SHB: variants seen among roughly 807,000 people sequenced by gnomAD.
The protein encoded by SHB is SH2 domain containing adaptor protein B, also known as SH2 domain-containing adapter protein B.
Under a neutral mutation model 52.3 loss-of-function variants are expected in SHB, and 20 were observed. That is an observed-to-expected ratio of 0.38 (90% CI 0.27 to 0.56). The LOEUF is 0.56. SHB is among the 20% of genes least tolerant of loss of function. The probability of loss-of-function intolerance (pLI) is 0.71; values close to 1 mark genes in which losing one functional copy is unlikely to be tolerated. For missense variants in SHB, 825 were observed against 723.3 expected (o/e 1.14, Z -1.61); for synonymous variants, 397 against 316.5 (o/e 1.25, Z -2.70).
At chr9:37,996,563 T>C (rs972864713) in intron 2 of SHB, among the ~76,000 whole-genome samples, 6 of 152,216 alleles carry the variant, frequency 3.9e-5, no homozygotes, top group African/African-American at 1.2e-4. Context: ...CTTATCTCTA[T>C]AGTACCAACT....
rs116531414 is a variant in SHB at position 37,948,006 on chromosome 9, A to G, written c.1346+629T>C. The stretch of plus-strand genomic sequence containing the variant: ...CACCCAACTAAAACATGCTTTTCTT[A>G]TTTCTGGGCCTGCCCATCCTGACAG... On this transcript the variant is annotated intron_variant, in intron 5 of 5. Coordinates refer to ENST00000377707, the MANE Select transcript of SHB (RefSeq NM_003028.3). Among the ~76,000 whole-genome samples the G allele has an allele frequency of 5.3e-3, 800 of 152,236 alleles. 6 individuals are homozygous for G. The highest frequency in any genetic ancestry group is 0.019 in the African/African-American group (773 of 41,530).
intron 1 of SHB, among the ~76,000 whole-genome samples, chr9:38,042,765 G>A (rs1413035393): frequency 6.6e-6 from 1 of 152,176 alleles, no homozygotes; most frequent in Non-Finnish European, 1.5e-5. Flanking sequence ...TTCCTGGGGC[G>A]ACCTGGCCCA....
chr9:38,060,232 T>A lies in SHB; in HGVS notation c.717+7697A>T, dbSNP rs145720943. On this transcript the variant is annotated intron_variant, in intron 1 of 5. Coordinates refer to ENST00000377707, the MANE Select transcript of SHB (RefSeq NM_003028.3). ...CTTTGGTGCCCAGGCTGGAGTGCAG[T>A]GGCCTGATCTCGGCTCACTACAACC... Among the ~76,000 whole-genome samples the A allele has an allele frequency of 7.6e-4, 115 of 152,280 alleles. No homozygotes were observed. The East Asian group carries it at 0.02, about 26-fold the overall frequency.
Position 37,916,975 on chromosome 9 carries a change from A to G in SHB, c.*2846T>C, listed in dbSNP as rs1263698131. ...CGAGGGCGCGACGTTGTGTGGCAGG[A>G]GCTTTTCTTTTCTCTCAAAGAAATC... is the stretch of plus-strand genomic sequence containing the variant. On this transcript the variant is annotated 3_prime_UTR_variant, in exon 6 of 6. Transcript: ENST00000377707. 6.6e-6 allele frequency among the ~76,000 whole-genome samples: 1 copy of G among 151,484 alleles called. No individual in the cohort carries two copies. The highest frequency in any genetic ancestry group is 1.5e-5 in the Non-Finnish European group (1 of 67,928).
intron 5 of SHB, among the ~76,000 whole-genome samples, chr9:37,929,041 G>C (rs1832282707): frequency 6.6e-6 from 1 of 152,274 alleles, no homozygotes; most frequent in Non-Finnish European, 1.5e-5. Flanking sequence ...CAGGGCTGGA[G>C]AGGGGGGTGG....
In SHB at chr9:37,987,621, T is replaced by C. The variant is rs137970096; in HGVS notation, c.839-12784A>G. On this transcript the variant is annotated intron_variant, in intron 2 of 5. Transcript: ENST00000377707. Reference sequence around the variant, plus strand: ...CCTCCCTCTGGCTGTCAGTTGGTCATCAGTCAGGGTCACTGGAGTAATCTC... The same window carrying C: ...CCTCCCTCTGGCTGTCAGTTGGTCACCAGTCAGGGTCACTGGAGTAATCTC... 5.9e-5 allele frequency among the ~76,000 whole-genome samples: 9 copies of C among 152,336 alleles called. No individual in the cohort carries two copies. In the East Asian group the frequency reaches 1.5e-3, roughly 26 times the overall value.
intron 1 of SHB, among the ~76,000 whole-genome samples, chr9:38,067,247 T>C (rs1435020829): frequency 3.3e-5 from 5 of 152,080 alleles, no homozygotes; most frequent in Non-Finnish European, 7.4e-5. Context: ...CCGGGCCTGA[T>C]AGGCTGACCC....
chr9:37,920,121 C>T (rs1336133211), intron 5 of SHB, 117 bp from the exon 6 acceptor site: 4 of 792,314 alleles, frequency 5.0e-6, no homozygotes, highest in Non-Finnish European at 6.3e-6. Context: ...CTGTGAGCTG[C>T]ACCTCTCCAA....
intron 4 of SHB, among the ~76,000 whole-genome samples, chr9:37,954,306 T>A (rs568262821): frequency 6.6e-4 from 100 of 152,284 alleles, no homozygotes; most frequent in African/African-American, 2.3e-3. Context: ...GAGAATTTCC[T>A]GTGAGGGTAT....
chr9:38,051,399 C>T (rs1005620993), intron 1 of SHB, among the ~76,000 whole-genome samples: 4 of 145,458 alleles, frequency 2.7e-5, no homozygotes, highest in South Asian at 2.2e-4. Flanking sequence ...GCCAAGATCG[C>T]GACACTGCAC....
intron 3 of SHB, among the ~76,000 whole-genome samples, chr9:37,963,402 G>A (rs1388938419): frequency 2.0e-5 from 3 of 152,212 alleles, no homozygotes; most frequent in Admixed American, 6.5e-5. Context: ...GCTCTCAACC[G>A]CCACAGGCTT....
intron 1 of SHB, among the ~76,000 whole-genome samples, chr9:38,057,311 C>CAT (rs565265398): frequency 0.013 from 1,996 of 151,842 alleles, 35 homozygotes; most frequent in African/African-American, 0.042. Context: ...GAAAAATAAA[C>CAT]ATATATATAT....
At chr9:37,943,016 A>T (rs2117874603) in intron 5 of SHB, among the ~76,000 whole-genome samples, 1 of 152,252 alleles carries the variant, frequency 6.6e-6, no homozygotes, top group South Asian at 2.1e-4. Flanking sequence ...ATAGCACTGC[A>T]TCCTGTTTCA....
chr9:38,032,339 C>T (rs933309636), intron 1 of SHB, among the ~76,000 whole-genome samples: 1 of 152,242 alleles, frequency 6.6e-6, no homozygotes. Context: ...GGTTTCAACC[C>T]AGGCCAGCGT....
chr9:37,918,064 C>G lies in SHB; in HGVS notation c.*1757G>C, dbSNP rs906890039. Among the ~76,000 whole-genome samples, 7 of 150,724 alleles carry G rather than the reference C, an allele frequency of 4.6e-5. No individual in the cohort carries two copies. Among genetic ancestry groups the G allele is most frequent in the African/African-American group, 1.7e-4 (7 of 41,390 alleles). ...ACAGTGAGCTGGAACCACCTCCAAACAGTCTCTAAAGACATGAGCAGCGCT... is the reference window on the plus strand; with the variant it reads ...ACAGTGAGCTGGAACCACCTCCAAAGAGTCTCTAAAGACATGAGCAGCGCT... On this transcript the variant is annotated 3_prime_UTR_variant, in exon 6 of 6. Coordinates refer to ENST00000377707, the MANE Select transcript of SHB (RefSeq NM_003028.3).
chr9:37,983,817 G>A (rs1820770246), intron 2 of SHB, among the ~76,000 whole-genome samples: 1 of 152,230 alleles, frequency 6.6e-6, no homozygotes, highest in Admixed American at 6.5e-5. Context: ...GGCCCCAGCG[G>A]TGTCAGGAAG....
intron 2 of SHB, among the ~76,000 whole-genome samples, chr9:37,991,711 T>C (rs1202658684): frequency 6.6e-6 from 1 of 152,220 alleles, no homozygotes; most frequent in Non-Finnish European, 1.5e-5. Flanking sequence ...GGAAGCTTGA[T>C]ACCCTCTAAG....
intron 1 of SHB, among the ~76,000 whole-genome samples, chr9:38,049,773 C>G (rs118077648): frequency 0.012 from 1,855 of 151,614 alleles, 18 homozygotes; most frequent in Middle Eastern, 0.034. Context: ...CTAGGCAGGC[C>G]AGTATTTCAG....
intron 1 of SHB, among the ~76,000 whole-genome samples, chr9:38,024,237 AGTGT>A (rs1821314595): frequency 6.6e-6 from 1 of 152,280 alleles, no homozygotes; most frequent in Admixed American, 6.5e-5. Context: ...TCACCACTAA[AGTGT>A]CTTCCCTACA....
Sources: gnomAD v4.1 joint callset for allele counts (sites outside exome capture counted in the v4.1 genomes callset) on GRCh38, gnomAD v4.1.1 for gene constraint, MANE v1.5 for transcripts, NCBI Gene and HGNC (gene_info 2026-07-23, HGNC 2026-07-21) for gene names.